Variants in NXF3 observed in about 807,000 individuals in gnomAD.
NXF3 encodes TAP-like protein 3.
Under a neutral mutation model 48.4 loss-of-function variants are expected in NXF3, and 34 were observed. The observed-to-expected ratio is 0.70, with a 90% CI of 0.53 to 0.93. The LOEUF is 0.93. Among genes scored for constraint, NXF3 ranks in the 40% least tolerant of loss-of-function variants. The probability of loss-of-function intolerance (pLI) is 0.00; values close to 1 mark genes in which losing one functional copy is unlikely to be tolerated. For missense variants in NXF3, 359 were observed against 406.1 expected (o/e 0.88, Z 1.00); for synonymous variants, 132 against 145.7 (o/e 0.91, Z 0.68).
chrX:103,092,998 G>A lies in NXF3; in HGVS notation c.26C>T (p.Thr9Met), dbSNP rs202154863. ...CAGCCTCATGCTGGCCAACTCACCC[G>A]TAGTGTGTCCTGAAGGCAGTGACAT... MSLPSGHTTGHTDQVVQRR... is the reference protein window; with the variant it reads MSLPSGHTMGHTDQVVQRR... Residue 9 changes from threonine to methionine, a missense_variant and splice_region_variant, in exon 1 of 20, where the codon ACG (threonine) becomes ATG (methionine). Thr to Met is a moderately conservative substitution (Grantham distance 81). Coordinates refer to ENST00000395065, the MANE Select transcript of NXF3 (RefSeq NM_022052.2). 420 of 1,207,890 alleles carry A rather than the reference G, an allele frequency of 3.5e-4. No individual in the cohort carries two copies. Among genetic ancestry groups the A allele is most frequent in the Non-Finnish European group, 4.5e-4 (400 of 893,427 alleles).
intron 14 of NXF3, 30 bp from the exon 15 acceptor site, chrX:103,079,504 G>A: frequency 1.7e-6 from 2 of 1,192,289 alleles, no homozygotes; most frequent in Non-Finnish European, 2.3e-6. Context: ...CAAGGATTTG[G>A]GGGGCTGCCA....
At chrX:103,087,538 A>G in intron 1 of NXF3, 1 of 988,987 alleles carries the variant, frequency 1.0e-6, no homozygotes, top group Non-Finnish European at 1.4e-6. Flanking sequence ...TAAACAGGTC[A>G]GAAGACTGCT....
intron 17 of NXF3, 88 bp downstream of exon 17, chrX:103,078,472 G>A: frequency 8.5e-7 from 1 of 1,172,872 alleles, no homozygotes; most frequent in Non-Finnish European, 1.2e-6. Flanking sequence ...TTACAACATT[G>A]AGAACACCCC....
At chrX:103,082,484 A>G in intron 8 of NXF3, 120 bp from the exon 9 acceptor site, 1 of 499,204 alleles carries the variant, frequency 2.0e-6, no homozygotes, top group South Asian at 3.2e-5. Context: ...ACCCTAATGA[A>G]CCCTCCTCCC....
Position 103,083,415 on chromosome X carries a change from C to T in NXF3, c.523G>A (p.Asp175Asn), listed in dbSNP as rs750928108. 6 of 1,208,529 alleles carry T rather than the reference C, an allele frequency of 5.0e-6. No individual in the cohort carries two copies. The East Asian group carries it at 1.8e-4, about 36-fold the overall frequency. ...ACACACACCTTTTCATTATCCTCAT[C>T]CCAAATCTTGCCACTGACATTCTTC... is the stretch of plus-strand genomic sequence containing the variant. ...ALKNVSGKIW[D>N]EDNEKISIFV... Residue 175 changes from aspartate to asparagine, a missense_variant, in exon 5 of 20, where the codon GAT becomes AAT. Transcript: ENST00000395065.
At chrX:103,086,012 C>T (rs778289108) in intron 1 of NXF3, among the ~76,000 whole-genome samples, 110 of 110,527 alleles carry the variant, frequency 1.0e-3, no homozygotes, top group African/African-American at 3.5e-3. Context: ...AATTCCAGAC[C>T]TCCAGGCCAG....
rs1432393606 is a variant in NXF3, at chrX:103,079,441, A to C, written c.1253T>G (p.Leu418Arg). Residue 418 changes from leucine to arginine, a missense_variant, in exon 15 of 20, where the codon CTT becomes CGT. Coordinates refer to ENST00000395065, the MANE Select transcript of NXF3 (RefSeq NM_022052.2). ...CGCACTGAGGGAGTCCACAATATCAAGTTTTGTGTGCTTCAGCAGCTCCCC... is the reference window on the plus strand; with the variant it reads ...CGCACTGAGGGAGTCCACAATATCACGTTTTGTGTGCTTCAGCAGCTCCCC... ...LRGELLKHTK[L>R]DIVDSLSALP... 8.3e-7 allele frequency: 1 copy of C among 1,209,051 alleles called. No individual in the cohort carries two copies. The highest frequency in any genetic ancestry group is 3.0e-5 in the East Asian group (1 of 33,726).
chrX:103,083,202 C>T lies in NXF3; in HGVS notation c.612G>A (p.Glu204=). The T allele has an allele frequency of 8.3e-7, 1 of 1,211,046 alleles. No homozygotes were observed. Among genetic ancestry groups the T allele is most frequent in the Non-Finnish European group, 1.1e-6 (1 of 895,050 alleles). The stretch of plus-strand genomic sequence containing the variant: ...CATGAGTCTGTGTTACCTTTATCTG[C>T]TCCACCTTTTCTGACTTCAGCTCCC... The part of the protein sequence containing the change: ...VHRELKSEKV[E]QIKLAMNQQC... Residue 204 remains glutamate, a synonymous_variant, in exon 6 of 20, where the codon GAG becomes GAA. Coordinates refer to ENST00000395065, the MANE Select transcript of NXF3 (RefSeq NM_022052.2).
At chrX:103,079,176 A>G in intron 16 of NXF3, 45 bp downstream of exon 16, 1 of 1,138,453 alleles carries the variant, frequency 8.8e-7, no homozygotes, top group Non-Finnish European at 1.2e-6. Flanking sequence ...AGCCAGGGGG[A>G]GGGAGGAGTG....
At chrX:103,092,102 A>T (rs185873672) in intron 1 of NXF3, among the ~76,000 whole-genome samples, 2 of 111,302 alleles carry the variant, frequency 1.8e-5, no homozygotes, top group Admixed American at 1.9e-4. Flanking sequence ...AAAATTAATG[A>T]TAAATATCTT....
chrX:103,088,468 C>A, intron 1 of NXF3: 2 of 927,433 alleles, frequency 2.2e-6, no homozygotes, highest in Non-Finnish European at 3.0e-6. Context: ...TGAAAGGTAT[C>A]CTTACTACAG....
rs1437665423 is a variant in NXF3, at chrX:103,087,799, C to T, written c.29-2916G>A. 5 of 919,182 alleles carry T rather than the reference C, an allele frequency of 5.4e-6. 1 individual carries two copies. The Admixed American group carries it at 9.4e-5, about 17-fold the overall frequency. The allele number at this position is 919,182 out of a possible 1,213,427, so 75.8% of individuals were successfully genotyped here. ...GTAAATCTTTTTGACAGTCACCTCA[C>T]TTAAAAATCCACCAACTTACACATT... On this transcript the variant is annotated intron_variant, in intron 1 of 19. Transcript: ENST00000395065.
chrX:103,088,072 C>A, intron 1 of NXF3: 2 of 901,551 alleles, frequency 2.2e-6, no homozygotes, highest in Admixed American at 2.4e-5. Flanking sequence ...TGTCCCTTTT[C>A]AATATCCAAA....
intron 1 of NXF3, chrX:103,087,546 G>A: frequency 1.0e-6 from 1 of 975,559 alleles, no homozygotes; most frequent in Non-Finnish European, 1.5e-6. Context: ...TCAGAAGACT[G>A]CTGGAGGCCA....
At chrX:103,086,007 CA>C (rs1922144661) in intron 1 of NXF3, among the ~76,000 whole-genome samples, 1 of 110,221 alleles carries the variant, frequency 9.1e-6, no homozygotes, top group Non-Finnish European at 1.9e-5. Context: ...ACTCAAATTC[CA>C]GACCTCCAGG....
intron 18 of NXF3, among the ~76,000 whole-genome samples, chrX:103,077,243 C>CTTTTT (rs34811257): frequency 4.8e-5 from 3 of 62,613 alleles, no homozygotes; most frequent in African/African-American, 8.7e-5. Flanking sequence ...GCACTCACTT[C>CTTTTT]TTTTTTTTTT....
intron 16 of NXF3, 56 bp from the exon 17 acceptor site, chrX:103,078,688 A>G: frequency 8.3e-7 from 1 of 1,205,222 alleles, no homozygotes. Flanking sequence ...ACGTGCTCAC[A>G]TGGTGATCCC....
intron 1 of NXF3, among the ~76,000 whole-genome samples, chrX:103,092,103 TA>T (rs1169769945): frequency 1.8e-5 from 2 of 111,305 alleles, no homozygotes; most frequent in Admixed American, 9.6e-5. Flanking sequence ...AAATTAATGA[TA>T]AATATCTTTA....
chrX:103,083,771 T>C lies in NXF3; in HGVS notation c.352-79A>G, dbSNP rs895042616. 5.6e-6 allele frequency: 4 copies of C among 713,014 alleles called. No individual in the cohort carries two copies. In the African/African-American group the frequency reaches 8.5e-5, roughly 15 times the overall value. The allele number at this position is 713,014 out of a possible 1,213,427, so 58.8% of individuals were successfully genotyped here. On this transcript the variant is annotated intron_variant, in intron 3 of 19. Coordinates refer to ENST00000395065, the MANE Select transcript of NXF3 (RefSeq NM_022052.2). ...AACGTTAAAAGTGGACCCAAATATG[T>C]TCCTTTCAGACTTTAAAATAGTTTA...
Sources: allele counts gnomAD v4.1 joint callset (sites outside exome capture counted in the v4.1 genomes callset), GRCh38; gene constraint gnomAD v4.1.1; transcripts MANE v1.5; gene names NCBI Gene and HGNC (gene_info 2026-07-23, HGNC 2026-07-21).